TNFRSF13B: variants seen among roughly 807,000 people sequenced by gnomAD.
The protein encoded by TNFRSF13B is TNF receptor superfamily member 13B, also known as tumor necrosis factor receptor superfamily member 13B.
In TNFRSF13B, 34 loss-of-function variants were observed where a neutral mutation model predicts 24.0. That is an observed-to-expected ratio of 1.41 (90% CI 1.08 to 1.88). TNFRSF13B has a LOEUF of 1.88. Ranked by LOEUF, TNFRSF13B falls within the 40% of genes most tolerant of loss-of-function variation. The probability of loss-of-function intolerance (pLI) is 0.00; values close to 1 mark genes in which losing one functional copy is unlikely to be tolerated. For synonymous variants in TNFRSF13B, 173 were observed against 150.3 expected, an observed-to-expected ratio of 1.15 and a Z score of -1.10; for missense variants, 415 against 380.8, an observed-to-expected ratio of 1.09 and a Z score of -0.75.
chr17:16,952,421 C>T (rs377539841), intron 2 of TNFRSF13B, 25 bp downstream of exon 2: 15 of 1,613,714 alleles, frequency 9.3e-6, no homozygotes, highest in Admixed American at 1.7e-5. Context: ...CACACTGTCC[C>T]CTCGGCTCAG....
rs549493928 is a variant in TNFRSF13B, at chr17:16,948,900, G to T, written c.283C>A (p.Gln95Lys). Residue 95 changes from glutamine (Q) to lysine (K), a missense_variant, in exon 3 of 5, where the codon CAG becomes AAG. Coordinates refer to ENST00000261652, the MANE Select transcript of TNFRSF13B (RefSeq NM_012452.3). Reference protein sequence around the residue: ...DCISCASICGQHPKQCAYFCE... With the variant: ...DCISCASICGKHPKQCAYFCE... ...AAGTATGCACATTGCTTAGGGTGCT[G>T]TCCACAGATGGAGGCACAGCTGATG... is the stretch of plus-strand genomic sequence containing the variant. The T allele has an allele frequency of 4.3e-6, 7 of 1,614,230 alleles. No homozygotes were observed. Among genetic ancestry groups the T allele is most frequent in the Non-Finnish European group, 5.9e-6 (7 of 1,180,046 alleles).
At chr17:16,971,964 C>A (rs779574705) in intron 1 of TNFRSF13B, 51 bp downstream of exon 1, 18 of 1,602,868 alleles carry the variant, frequency 1.1e-5, no homozygotes, top group Non-Finnish European at 1.5e-5. Flanking sequence ...TCAGGCCCAA[C>A]CCTCCTCACA....
At chr17:16,940,695 C>G (rs915267192) in intron 3 of TNFRSF13B, 184 bp from the exon 4 acceptor site, 25 of 1,458,970 alleles carry the variant, frequency 1.7e-5, no homozygotes, top group Non-Finnish European at 2.2e-5. Flanking sequence ...TTGATCCACT[C>G]CCCCATCCTG....
chr17:16,939,418 CTCTGTTTCT>C lies in TNFRSF13B; in HGVS notation c.*120_*128del. 8.7e-7 allele frequency: 1 copy of C among 1,150,700 alleles called. No individual in the cohort carries two copies. The highest frequency in any genetic ancestry group is 1.2e-6 in the Non-Finnish European group (1 of 828,606). The allele number at this position is 1,150,700 out of a possible 1,614,324, so 71.3% of individuals were successfully genotyped here. On this transcript the variant is annotated 3_prime_UTR_variant, in exon 5 of 5. Transcript: ENST00000261652. ...CTGTCTCTCTCTCCCTCTCTGTCTC[CTCTGTTTCT>C]CTCCCTCTCTGCCTCCTCTGTCTCT...
chr17:16,950,234 G>GC lies in TNFRSF13B; in HGVS notation c.200-1252dup, dbSNP rs375133764. The stretch of plus-strand genomic sequence containing the variant: ...CAAATTTCAGTTGGGGCCATCCCTG[G>GC]CTGTACCACTTGCAGGCAGTGTGGT... On this transcript the variant is annotated intron_variant, in intron 2 of 4. Coordinates refer to ENST00000261652, the MANE Select transcript of TNFRSF13B (RefSeq NM_012452.3). Among the ~76,000 whole-genome samples, 373 of 152,260 alleles carry GC rather than the reference G, an allele frequency of 2.4e-3. 5 individuals are homozygous for GC. Among genetic ancestry groups the GC allele is most frequent in the African/African-American group, 8.7e-3 (363 of 41,530 alleles).
intron 1 of TNFRSF13B, among the ~76,000 whole-genome samples, chr17:16,953,092 G>T (rs959001946): frequency 2.0e-5 from 3 of 152,220 alleles, no homozygotes; most frequent in African/African-American, 7.2e-5. Flanking sequence ...ACCTGTTGCT[G>T]TGGTCACTTT....
intron 1 of TNFRSF13B, 63 bp from the exon 2 acceptor site, chr17:16,952,646 T>C (rs550232924): frequency 6.2e-6 from 10 of 1,612,326 alleles, no homozygotes; most frequent in Admixed American, 5.0e-5. Context: ...TTGTCCCTGA[T>C]GGGAACCAAG....
rs1363106173 is a variant in TNFRSF13B, at chr17:16,944,646, C to T, written c.445+4092G>A. On this transcript the variant is annotated intron_variant, in intron 3 of 4. Transcript: ENST00000261652. ...TCTGCGTGGCTTGTCCACTGCCTGGCCTTCCACGAGACAGTGAGCTCCATG... is the reference window on the plus strand; with the variant it reads ...TCTGCGTGGCTTGTCCACTGCCTGGTCTTCCACGAGACAGTGAGCTCCATG... 2.6e-5 allele frequency among the ~76,000 whole-genome samples: 4 copies of T among 152,298 alleles called. No individual in the cohort carries two copies. The East Asian group carries it at 7.7e-4, about 29-fold the overall frequency.
At chr17:16,962,527 GA>G (rs956755733) in intron 1 of TNFRSF13B, among the ~76,000 whole-genome samples, 15 of 142,494 alleles carry the variant, frequency 1.1e-4, no homozygotes, top group East Asian at 4.1e-4. Context: ...AAAAAAGAAA[GA>G]AAAAAAAAAG....
intron 1 of TNFRSF13B, among the ~76,000 whole-genome samples, chr17:16,965,551 G>A (rs370187626): frequency 6.6e-6 from 1 of 152,200 alleles, no homozygotes; most frequent in Non-Finnish European, 1.5e-5. Context: ...AAAGCAAGCC[G>A]CATTCTTGCA....
At chr17:16,966,732 G>A (rs1249899525) in intron 1 of TNFRSF13B, among the ~76,000 whole-genome samples, 7 of 151,074 alleles carry the variant, frequency 4.6e-5, no homozygotes, top group East Asian at 3.9e-4. Context: ...AATTTATCCC[G>A]AAGTGTGAAA....
At chr17:16,941,068 T>C (rs1262678015) in intron 3 of TNFRSF13B, 2 of 582,030 alleles carry the variant, frequency 3.4e-6, no homozygotes, top group Non-Finnish European at 4.4e-6. Context: ...AGATTACTTA[T>C]AATACCAAAT....
intron 3 of TNFRSF13B, among the ~76,000 whole-genome samples, chr17:16,944,330 A>C (rs2143648778): frequency 6.6e-6 from 1 of 152,274 alleles, no homozygotes; most frequent in Middle Eastern, 3.4e-3. Context: ...TTGAATGAGC[A>C]GTTCCAGCGC....
chr17:16,967,076 T>C (rs996312397), intron 1 of TNFRSF13B, among the ~76,000 whole-genome samples: 1 of 152,074 alleles, frequency 6.6e-6, no homozygotes, highest in African/African-American at 2.4e-5. Flanking sequence ...TGACTTCAGG[T>C]TATCTGCCCA....
chr17:16,949,120 T>A, intron 2 of TNFRSF13B, 137 bp from the exon 3 acceptor site: 1 of 1,116,192 alleles, frequency 9.0e-7, no homozygotes, highest in Non-Finnish European at 1.3e-6. Context: ...AGCCAAGTAC[T>A]TTTACAATAT....
chr17:16,971,949 G>T, intron 1 of TNFRSF13B, 66 bp downstream of exon 1: 1 of 1,551,494 alleles, frequency 6.4e-7, no homozygotes. Flanking sequence ...CAACCCCCAC[G>T]GCACTCAGGC....
In TNFRSF13B at chr17:16,939,130, T is replaced by TAGGAGGGG. The variant is rs2087485627; in HGVS notation, c.*416_*417insCCCCTCCT. On this transcript the variant is annotated 3_prime_UTR_variant, in exon 5 of 5. Coordinates refer to ENST00000261652, the MANE Select transcript of TNFRSF13B (RefSeq NM_012452.3). Reference sequence around the variant, plus strand: ...GGTTTTATTCTCCAGGAGGAGGGGCTCTCGGGGGCTGTGAGCAGCAGGCAC... The same window carrying TAGGAGGGG: ...GGTTTTATTCTCCAGGAGGAGGGGCTAGGAGGGGCTCGGGGGCTGTGAGCAGCAGGCAC... The TAGGAGGGG allele has an allele frequency of 6.1e-6, 1 of 164,756 alleles. No individual in the cohort carries two copies. The highest frequency in any genetic ancestry group is 1.3e-5 in the Non-Finnish European group (1 of 76,646). The allele number at this position is 164,756 out of a possible 1,614,324, so 10.2% of individuals were successfully genotyped here.
At chr17:16,956,559 C>T (rs546942785) in intron 1 of TNFRSF13B, among the ~76,000 whole-genome samples, 4 of 152,110 alleles carry the variant, frequency 2.6e-5, no homozygotes, top group Non-Finnish European at 5.9e-5. Context: ...ACACAATGAG[C>T]ACATGGTAAA....
At chr17:16,943,835 G>A (rs1202833213) in intron 3 of TNFRSF13B, among the ~76,000 whole-genome samples, 2 of 152,210 alleles carry the variant, frequency 1.3e-5, no homozygotes, top group African/African-American at 2.4e-5. Flanking sequence ...CCACCCAGTA[G>A]GGCAGGCTGC....
Sources: allele counts gnomAD v4.1 joint callset (sites outside exome capture counted in the v4.1 genomes callset), GRCh38; gene constraint gnomAD v4.1.1; transcripts MANE v1.5; gene names NCBI Gene and HGNC (gene_info 2026-07-23, HGNC 2026-07-21).